The following EFCAB9 variants were observed in gnomAD, a reference collection of about 807,000 sequenced individuals.
EFCAB9 encodes EF-hand calcium binding domain 9, also known as EF-hand calcium-binding domain-containing protein 9.
EFCAB9 carries 16 observed loss-of-function variants against 15.6 expected under a neutral mutation model. That is an observed-to-expected ratio of 1.03 (90% confidence interval 0.69 to 1.56). The LOEUF is 1.56. Among genes scored for constraint, EFCAB9 ranks in the 40% most tolerant of loss-of-function variants. The pLI is 0.00. For synonymous variants in EFCAB9, 76 were observed against 85.4 expected, an observed-to-expected ratio of 0.89 and a Z score of 0.61; for missense variants, 208 against 235.4, an observed-to-expected ratio of 0.88 and a Z score of 0.76.
At chr5:172,198,758 G>GGT (rs1476531447) in intron 1 of EFCAB9, among the ~76,000 whole-genome samples, 1 of 152,130 alleles carries the variant, frequency 6.6e-6, no homozygotes, top group Non-Finnish European at 1.5e-5. Context: ...TGGGACTACA[G>GGT]GTGTGTGCCA....
At chr5:172,199,637 G>A (rs1291612238) in intron 2 of EFCAB9, 106 bp downstream of exon 2, 10 of 1,431,804 alleles carry the variant, frequency 7.0e-6, no homozygotes, top group Non-Finnish European at 8.3e-6. Context: ...GAAAAGATGG[G>A]TGGTGGGGAA....
In EFCAB9 at chr5:172,194,230, T is replaced by A; in HGVS notation, c.58T>A (p.Leu20Ile). The A allele has an allele frequency of 6.5e-7, 1 of 1,537,758 alleles. No individual in the cohort carries two copies. Among genetic ancestry groups the A allele is most frequent in the South Asian group, 1.2e-5 (1 of 84,060 alleles). The change falls in exon 1 of 4, where the codon TTA (leucine) becomes ATA (isoleucine). Residue 20 changes from leucine (L) to isoleucine (I), a missense_variant. Coordinates refer to ENST00000398186, the MANE Select transcript of EFCAB9 (RefSeq NM_001171183.2). The part of the protein sequence containing the change: ...WYLYLDKIYC[L>I]LSVRNVKALA... ...CCTCTATCTGGACAAAATATACTGC[T>A]TATTATCCGTGAGAAACGTGAAGGC...
Position 172,203,451 on chromosome 5 carries a change from T to C in EFCAB9, c.*106T>C, listed in dbSNP as rs1222898338. 5.9e-6 allele frequency: 8 copies of C among 1,353,272 alleles called. No homozygotes were observed. The East Asian group carries it at 1.0e-4, about 17-fold the overall frequency. 83.8% of individuals were successfully genotyped at this position (1,353,272 alleles called of 1,614,324 possible). A position where few individuals can be genotyped will look rare whatever the true frequency, so the allele number is the denominator to read the frequency against. ...TAAAAATAAATTCAGAGCATCAAAG[T>C]AGATATCTTTATAATGACTTTTTTT... On this transcript the variant is annotated 3_prime_UTR_variant, in exon 4 of 4. Coordinates refer to ENST00000398186, the MANE Select transcript of EFCAB9 (RefSeq NM_001171183.2).
intron 1 of EFCAB9, among the ~76,000 whole-genome samples, chr5:172,196,843 A>G (rs944407210): frequency 6.6e-6 from 1 of 152,080 alleles, no homozygotes; most frequent in African/African-American, 2.4e-5. Flanking sequence ...TTCATATTTT[A>G]TTCATGATTA....
At chr5:172,197,534 T>C (rs1027515237) in intron 1 of EFCAB9, among the ~76,000 whole-genome samples, 4 of 152,206 alleles carry the variant, frequency 2.6e-5, no homozygotes, top group Non-Finnish European at 4.4e-5. Context: ...TGTAGTTTTA[T>C]AATATCCCTC....
chr5:172,200,612 T>C lies in EFCAB9; in HGVS notation c.332T>C (p.Phe111Ser). The change falls in exon 3 of 4, where the codon TTT becomes TCT. Residue 111 changes from phenylalanine to serine, a missense_variant. Phe to Ser is a radical substitution (Grantham distance 155). Coordinates refer to ENST00000398186, the MANE Select transcript of EFCAB9 (RefSeq NM_001171183.2). The part of the protein sequence containing the change: ...QFMYRHSRPV[F>S]DLLDLKGDLR... Reference sequence around the variant, plus strand: ...ATGTATCGTCATTCCCGGCCTGTCTTTGACCTGCTTGACCTGAAAGGGGAT... The same window carrying C: ...ATGTATCGTCATTCCCGGCCTGTCTCTGACCTGCTTGACCTGAAAGGGGAT... The C allele has an allele frequency of 6.5e-7, 1 of 1,537,254 alleles. No homozygotes were observed. Among genetic ancestry groups the C allele is most frequent in the Non-Finnish European group, 8.7e-7 (1 of 1,146,896 alleles).
At chr5:172,196,208 T>C (rs930352705) in intron 1 of EFCAB9, among the ~76,000 whole-genome samples, 7 of 152,072 alleles carry the variant, frequency 4.6e-5, no homozygotes, top group African/African-American at 1.7e-4. Context: ...TCACTGTGCA[T>C]ATATATGGTG....
chr5:172,202,383 C>T (rs1391674951), intron 3 of EFCAB9, among the ~76,000 whole-genome samples: 1 of 142,618 alleles, frequency 7.0e-6, no homozygotes, highest in Non-Finnish European at 1.5e-5. Flanking sequence ...GCCGCAATTA[C>T]TTTTGCCTTT....
intron 1 of EFCAB9, among the ~76,000 whole-genome samples, chr5:172,196,811 G>C (rs1771172471): frequency 6.6e-6 from 1 of 152,192 alleles, no homozygotes; most frequent in African/African-American, 2.4e-5. Context: ...CACTGTGTAA[G>C]TGTATTGCCA....
chr5:172,197,638 G>C (rs556059826), intron 1 of EFCAB9, among the ~76,000 whole-genome samples: 1 of 152,302 alleles, frequency 6.6e-6, no homozygotes, highest in Admixed American at 6.5e-5. Context: ...TCTGGTGTTG[G>C]TTCCTTCTGG....
chr5:172,199,658 G>C, intron 2 of EFCAB9, 127 bp downstream of exon 2: 1 of 1,371,364 alleles, frequency 7.3e-7, no homozygotes, highest in East Asian at 2.5e-5. Context: ...AATGAGTTTT[G>C]GTTCCCGAAT....
At chr5:172,202,106 C>A (rs916445672) in intron 3 of EFCAB9, among the ~76,000 whole-genome samples, 4 of 151,766 alleles carry the variant, frequency 2.6e-5, no homozygotes, top group Admixed American at 2.6e-4. Context: ...TTTGGGAGGC[C>A]GAGGTGGGCA....
chr5:172,201,235 C>A (rs1250261928), intron 3 of EFCAB9, among the ~76,000 whole-genome samples: 1 of 152,142 alleles, frequency 6.6e-6, no homozygotes, highest in African/African-American at 2.4e-5. Context: ...ATCAGCCAGG[C>A]GCAGTGGCAC....
chr5:172,202,485 A>C (rs1561843972), intron 3 of EFCAB9, among the ~76,000 whole-genome samples: 1 of 152,140 alleles, frequency 6.6e-6, no homozygotes, highest in East Asian at 1.9e-4. Context: ...GGGTGGGTGG[A>C]TAACTTGAGG....
At chr5:172,202,539 C>G (rs2113862547) in intron 3 of EFCAB9, among the ~76,000 whole-genome samples, 1 of 152,080 alleles carries the variant, frequency 6.6e-6, no homozygotes, top group Admixed American at 6.6e-5. Flanking sequence ...GAAACCCTGT[C>G]TCTACTAAAA....
intron 1 of EFCAB9, among the ~76,000 whole-genome samples, chr5:172,198,703 G>A (rs754398385): frequency 6.6e-6 from 1 of 152,046 alleles, no homozygotes; most frequent in Non-Finnish European, 1.5e-5. Context: ...TGCAACCTCC[G>A]CCTCCCGGGT....
chr5:172,199,696 T>C (rs1771224561), intron 2 of EFCAB9, among the ~76,000 whole-genome samples, 165 bp downstream of exon 2: 1 of 152,178 alleles, frequency 6.6e-6, no homozygotes, highest in South Asian at 2.1e-4. Context: ...AGCTTCTCCC[T>C]GAGGCAGCCC....
intron 2 of EFCAB9, among the ~76,000 whole-genome samples, chr5:172,199,937 T>A (rs1001635472): frequency 6.9e-6 from 1 of 144,080 alleles, no homozygotes; most frequent in East Asian, 2.0e-4. Context: ...GTTTCCTTTT[T>A]TTTTTTTTTT....
At chr5:172,200,438 C>A in intron 2 of EFCAB9, 128 bp from the exon 3 acceptor site, 2 of 952,524 alleles carry the variant, frequency 2.1e-6, no homozygotes, top group Non-Finnish European at 3.0e-6. Flanking sequence ...CAGCCCTGAG[C>A]TTCTGATTTT....
Sources: gnomAD v4.1 joint callset for allele counts (sites outside exome capture counted in the v4.1 genomes callset) on GRCh38, gnomAD v4.1.1 for gene constraint, MANE v1.5 for transcripts, NCBI Gene and HGNC (gene_info 2026-07-23, HGNC 2026-07-21) for gene names.